The following HLA-DPB1 variants were observed in gnomAD, a reference collection of about 807,000 sequenced individuals.
HLA-DPB1 encodes the protein HLA class II histocompatibility antigen, DP beta 1 chain.
Under a neutral mutation model 29.4 loss-of-function variants are expected in HLA-DPB1, and 30 were observed. The ratio of observed to expected loss-of-function variants is 1.02; its 90% CI spans 0.76 to 1.38. HLA-DPB1 has a LOEUF of 1.38. HLA-DPB1 is among the 40% of genes most tolerant of loss of function. HLA-DPB1 has a pLI of 0.00. For synonymous variants in HLA-DPB1, 114 were observed against 134.0 expected (o/e 0.85, Z 1.03); for missense variants, 261 against 327.5 (o/e 0.80, Z 1.57).
At chr6:33,085,545 C>T (rs558070341) in intron 3 of HLA-DPB1, among the ~76,000 whole-genome samples, 24 of 152,316 alleles carry the variant, frequency 1.6e-4, no homozygotes, top group Admixed American at 5.2e-4. Flanking sequence ...GCATTTTAGC[C>T]TCTTCTCAGG....
chr6:33,081,384 A>C (rs1349755613), intron 2 of HLA-DPB1, among the ~76,000 whole-genome samples: 2 of 151,970 alleles, frequency 1.3e-5, no homozygotes, highest in Non-Finnish European at 2.9e-5. Context: ...GGAGACTGAG[A>C]TACATGAGAC....
At chr6:33,086,158 T>G in intron 4 of HLA-DPB1, 61 bp from the exon 5 acceptor site, 1 of 1,385,494 alleles carries the variant, frequency 7.2e-7, no homozygotes, top group African/African-American at 1.5e-5. Context: ...TGGAAATGTT[T>G]CTCTAATTAT....
In HLA-DPB1 at chr6:33,076,028, C is replaced by G. The variant is rs149181738; in HGVS notation, c.-14C>G. The G allele has an allele frequency of 3.7e-6, 6 of 1,604,018 alleles. No individual in the cohort carries two copies. The highest frequency in any genetic ancestry group is 4.3e-6 in the Non-Finnish European group (5 of 1,173,848). On this transcript the variant is annotated 5_prime_UTR_variant, in exon 1 of 6. It adds an upstream start codon to the 5' untranslated region. Transcript: ENST00000418931. The stretch of plus-strand genomic sequence containing the variant: ...ACTGCAGCTCTTTTCATTTTGCCAT[C>G]CTTTTCCAGCTCCATGATGGTTCTG...
At chr6:33,086,363 ATGTCAG>A in intron 5 of HLA-DPB1, 121 bp downstream of exon 5, 1 of 852,640 alleles carries the variant, frequency 1.2e-6, no homozygotes, top group East Asian at 2.5e-5. Context: ...CCCTCTTTCA[ATGTCAG>A]CCTTCAGGCA....
chr6:33,081,886 A>G (rs9501251), intron 2 of HLA-DPB1: 6,012 of 152,480 alleles, frequency 0.039, 168 homozygotes, highest in African/African-American at 0.083. Context: ...TGGGACAGGA[A>G]GGCCTTGGAG....
chr6:33,082,604 C>T (rs1056303852), intron 2 of HLA-DPB1, among the ~76,000 whole-genome samples: 1 of 151,946 alleles, frequency 6.6e-6, no homozygotes, highest in Middle Eastern at 3.2e-3. Context: ...AGAGGAGGGA[C>T]CAGAGGCAGG....
intron 1 of HLA-DPB1, chr6:33,079,651 A>C (rs939222559): frequency 3.0e-5 from 14 of 473,228 alleles, no homozygotes; most frequent in Middle Eastern, 3.8e-4. Flanking sequence ...ACAACAACAA[A>C]AAAAACATGC....
rs1472360160 is a variant in HLA-DPB1 at position 33,089,416 on chromosome 6, G to A, written c.*2882G>A. Among the ~76,000 whole-genome samples the A allele has an allele frequency of 6.6e-6, 1 of 152,178 alleles. No homozygotes were observed. Among genetic ancestry groups the A allele is most frequent in the African/African-American group, 2.4e-5 (1 of 41,414 alleles). On this transcript the variant is annotated 3_prime_UTR_variant, in exon 6 of 6. Transcript: ENST00000418931. ...GGCTCATGTTACACGTCCAAAGTAA[G>A]TCATGCAGGAAGCTCTGCTCATCAT... is the stretch of plus-strand genomic sequence containing the variant.
chr6:33,085,316 A>G (rs1470094220), intron 3 of HLA-DPB1, 85 bp downstream of exon 3: 2 of 1,199,628 alleles, frequency 1.7e-6, no homozygotes, highest in South Asian at 1.4e-5. Context: ...TATCTTCTGC[A>G]TCTATACCCT....
intron 1 of HLA-DPB1, 90 bp downstream of exon 1, chr6:33,076,231 G>A: frequency 1.2e-6 from 1 of 849,342 alleles, no homozygotes; most frequent in East Asian, 2.7e-5. Flanking sequence ...TCTGAGACAG[G>A]CTGCGGGGGC....
chr6:33,078,441 C>T (rs1371607813), intron 1 of HLA-DPB1, among the ~76,000 whole-genome samples: 1 of 152,070 alleles, frequency 6.6e-6, no homozygotes, highest in African/African-American at 2.4e-5. Flanking sequence ...GGCTGAGGAG[C>T]CAGGCTATAG....
At chr6:33,078,968 G>A (rs1762699053) in intron 1 of HLA-DPB1, among the ~76,000 whole-genome samples, 1 of 152,084 alleles carries the variant, frequency 6.6e-6, no homozygotes, top group South Asian at 2.1e-4. Context: ...GGAATTTTAG[G>A]GTCTGGGGCC....
chr6:33,085,591 C>T (rs1718994073), intron 3 of HLA-DPB1, among the ~76,000 whole-genome samples, 188 bp from the exon 4 acceptor site: 1 of 152,198 alleles, frequency 6.6e-6, no homozygotes. Context: ...CAGCATTTGC[C>T]ACCTTGTTGA....
chr6:33,078,285 G>T (rs1037993135), intron 1 of HLA-DPB1, among the ~76,000 whole-genome samples: 3 of 152,156 alleles, frequency 2.0e-5, no homozygotes, highest in East Asian at 1.9e-4. Flanking sequence ...TCCCTGCGTA[G>T]AATGAATGTT....
intron 5 of HLA-DPB1, 70 bp downstream of exon 5, chr6:33,086,312 A>G: frequency 1.7e-6 from 2 of 1,183,686 alleles, no homozygotes; most frequent in Non-Finnish European, 2.5e-6. Context: ...TGTGCATTGT[A>G]ACACTGAGGC....
rs754165149 is a variant in HLA-DPB1 at position 33,085,856 on chromosome 6, GT to G, written c.725del (p.Val242GlyfsTer22). The G allele has an allele frequency of 6.2e-7, 1 of 1,613,874 alleles. No homozygotes were observed. The highest frequency in any genetic ancestry group is 8.5e-7 in the Non-Finnish European group (1 of 1,179,822). On this transcript the variant is annotated frameshift_variant, in exon 4 of 6. Coordinates refer to ENST00000418931, the MANE Select transcript of HLA-DPB1 (RefSeq NM_002121.6). LOFTEE classifies it high-confidence loss of function. ...GFVLGLIICG[V>X]GIFMHRRSKK... ...CGTGCTGGGGCTCATCATCTGTGGA[GT>G]GGGCATCTTCATGCACAGGAGGAGC...
rs1763046945 is a variant in HLA-DPB1 at position 33,085,232 on chromosome 6, G to T, written c.646+1G>T. On this transcript the variant is annotated splice_donor_variant, in intron 3 of 5. Coordinates refer to ENST00000418931, the MANE Select transcript of HLA-DPB1 (RefSeq NM_002121.6). LOFTEE classifies it high-confidence loss of function. ...GATAGTCCTGTCACCGTGGAGTGGAGTGAGTCTCTGATGACCCTCTAGACC... is the reference window on the plus strand; with the variant it reads ...GATAGTCCTGTCACCGTGGAGTGGATTGAGTCTCTGATGACCCTCTAGACC... The T allele has an allele frequency of 2.7e-5, 43 of 1,601,422 alleles. No homozygotes were observed. Among genetic ancestry groups the T allele is most frequent in the Non-Finnish European group, 3.6e-5 (42 of 1,171,954 alleles).
At position 33,086,623 on chromosome 6, in the gene HLA-DPB1, T is replaced by C. The variant is rs1042502; in HGVS notation, c.*89T>C. On this transcript the variant is annotated 3_prime_UTR_variant, in exon 6 of 6. Coordinates refer to ENST00000418931, the MANE Select transcript of HLA-DPB1 (RefSeq NM_002121.6). ...TTAGCATCTGGCTCCAGGACAGACC[T>C]TCAACTTCCAAATTGGATACTGCTG... The C allele has an allele frequency of 0.18, 81,249 of 442,638 alleles. 16,946 individuals carry two copies. Among genetic ancestry groups the C allele is most frequent in the African/African-American group, 0.52 (23,941 of 46,244 alleles). 27.4% of individuals were successfully genotyped at this position (442,638 alleles called of 1,614,324 possible).
chr6:33,081,733 C>T (rs1264073541), intron 2 of HLA-DPB1, among the ~76,000 whole-genome samples: 1 of 152,060 alleles, frequency 6.6e-6, no homozygotes, highest in Non-Finnish European at 1.5e-5. Context: ...CTCCTCGGGG[C>T]TGAGATGGAT....
Sources: gnomAD v4.1 joint callset for allele counts (sites outside exome capture counted in the v4.1 genomes callset) on GRCh38, gnomAD v4.1.1 for gene constraint, MANE v1.5 for transcripts, NCBI Gene and HGNC (gene_info 2026-07-23, HGNC 2026-07-21) for gene names.